The following NRXN3 variants were observed in gnomAD, a reference collection of about 807,000 sequenced individuals.
The protein encoded by NRXN3 is neurexin III.
A neutral mutation model predicts 137.6 loss-of-function variants in NRXN3; 32 were observed. The ratio of observed to expected loss-of-function variants is 0.23; its 90% confidence interval spans 0.18 to 0.31. The LOEUF (loss-of-function observed/expected upper bound fraction) is 0.31. Ranked by LOEUF, NRXN3 falls within the 10% of genes least tolerant of loss-of-function variation. The pLI is 1.00. For missense variants in NRXN3, 1,574 were observed against 2,062.5 expected, an observed-to-expected ratio of 0.76 and a Z score of 4.59; for synonymous variants, 798 against 784.5, an observed-to-expected ratio of 1.02 and a Z score of -0.29.
chr14:79,130,645 C>A (rs2057326047), intron 15 of NRXN3, among the ~76,000 whole-genome samples: 1 of 152,054 alleles, frequency 6.6e-6, no homozygotes, highest in Non-Finnish European at 1.5e-5. Context: ...GTGAATCTGA[C>A]AATTATGTGT....
At chr14:79,233,054 T>G (rs1439706139) in intron 15 of NRXN3, among the ~76,000 whole-genome samples, 1 of 152,172 alleles carries the variant, frequency 6.6e-6, no homozygotes, top group African/African-American at 2.4e-5. Context: ...TCAAAGTACC[T>G]TCCCAAAATG....
chr14:78,536,098 T>A (rs2096532925), intron 4 of NRXN3, among the ~76,000 whole-genome samples: 1 of 152,312 alleles, frequency 6.6e-6, no homozygotes, highest in African/African-American at 2.4e-5. Flanking sequence ...TATTCCCTTA[T>A]TCTCACCAAG....
intron 19 of NRXN3, among the ~76,000 whole-genome samples, chr14:79,787,559 C>A (rs1220801522): frequency 6.6e-6 from 1 of 152,100 alleles, no homozygotes; most frequent in East Asian, 1.9e-4. Context: ...TTGACCTTTC[C>A]TTTCTCAGCC....
intron 20 of NRXN3, among the ~76,000 whole-genome samples, chr14:79,816,780 C>G (rs2099252771): frequency 6.6e-6 from 1 of 152,128 alleles, no homozygotes; most frequent in Non-Finnish European, 1.5e-5. Context: ...TGTCAATGTC[C>G]TTTGCTTCCA....
intron 19 of NRXN3, among the ~76,000 whole-genome samples, chr14:79,750,652 C>T (rs2098994368): frequency 6.6e-6 from 1 of 152,106 alleles, no homozygotes; most frequent in South Asian, 2.1e-4. Context: ...GCCTCCCCAC[C>T]CAATCAGGGC....
chr14:79,254,788 C>T (rs2153384020), intron 15 of NRXN3, among the ~76,000 whole-genome samples: 1 of 152,004 alleles, frequency 6.6e-6, no homozygotes, highest in East Asian at 1.9e-4. Context: ...GCAATTTCTT[C>T]CCTCCCTGCC....
Position 78,390,477 on chromosome 14 carries a change from C to G in NRXN3, c.757+92617C>G, listed in dbSNP as rs924172751. Among the ~76,000 whole-genome samples the G allele has an allele frequency of 2.6e-5, 4 of 152,178 alleles. No individual in the cohort carries two copies. In the South Asian group the frequency reaches 8.3e-4, roughly 32 times the overall value. Reference sequence around the variant, plus strand: ...GGTTTAGACCTTACTTCTTGGCACACCCCACTCATTCCAAGTGGGATTTTA... The same window carrying G: ...GGTTTAGACCTTACTTCTTGGCACAGCCCACTCATTCCAAGTGGGATTTTA... On this transcript the variant is annotated intron_variant, in intron 4 of 20. Transcript: ENST00000335750.
rs894641871 is a variant in NRXN3 at position 79,265,477 on chromosome 14, A to C, written c.3263-201744A>C. ...AGCTAAAGAAGAGAAATGTTCAAGA[A>C]GAAGATTTACATATTGCTGGATGTT... On this transcript the variant is annotated intron_variant, in intron 15 of 20. Coordinates refer to ENST00000335750, the MANE Select transcript of NRXN3 (RefSeq NM_001330195.2). 3.9e-5 allele frequency among the ~76,000 whole-genome samples: 6 copies of C among 152,012 alleles called. No individual in the cohort carries two copies. The South Asian group carries it at 8.3e-4, about 21-fold the overall frequency.
At chr14:78,311,065 G>C (rs2077924419) in intron 4 of NRXN3, among the ~76,000 whole-genome samples, 1 of 152,110 alleles carries the variant, frequency 6.6e-6, no homozygotes, top group Non-Finnish European at 1.5e-5. Flanking sequence ...GTTTTTACCT[G>C]TAAAATGCCT....
At chr14:78,606,710 T>A (rs1219843009) in intron 4 of NRXN3, among the ~76,000 whole-genome samples, 3 of 152,218 alleles carry the variant, frequency 2.0e-5, no homozygotes, top group Non-Finnish European at 2.9e-5. Context: ...GCCAGGGCTT[T>A]CTTTCCCAGG....
At position 79,523,414 on chromosome 14, in the gene NRXN3, G is replaced by A. The variant is rs112469626; in HGVS notation, c.3444+56012G>A. Among the ~76,000 whole-genome samples the A allele has an allele frequency of 9.3e-3, 1,416 of 152,256 alleles. 21 individuals are homozygous for A. Among genetic ancestry groups the A allele is most frequent in the African/African-American group, 0.033 (1,365 of 41,568 alleles). ...ATGAGGCAAGCTTTGTTTTGAAGAT[G>A]TTAATTGATTCTGTCCACCATGCTG... is the stretch of plus-strand genomic sequence containing the variant. On this transcript the variant is annotated intron_variant, in intron 16 of 20. Coordinates refer to ENST00000335750, the MANE Select transcript of NRXN3 (RefSeq NM_001330195.2).
intron 15 of NRXN3, among the ~76,000 whole-genome samples, chr14:79,202,865 A>G (rs111816989): frequency 7.2e-4 from 110 of 152,278 alleles, no homozygotes; most frequent in Middle Eastern, 3.4e-3. Context: ...TCTTTTTCAT[A>G]TAATGACTTC....
rs552618561 is a variant in NRXN3, at chr14:79,834,336, G to A, written c.4094-27006G>A. Among the ~76,000 whole-genome samples, 11 of 152,046 alleles carry A rather than the reference G, an allele frequency of 7.2e-5. No individual in the cohort carries two copies. The South Asian group carries it at 1.9e-3, about 26-fold the overall frequency. On this transcript the variant is annotated intron_variant, in intron 20 of 20. Coordinates refer to ENST00000335750, the MANE Select transcript of NRXN3 (RefSeq NM_001330195.2). The stretch of plus-strand genomic sequence containing the variant: ...TGTTTCTGCCACCTTCCCTTCTTCC[G>A]ATAACAGATTTTCAAGTACTGCTCT...
At chr14:79,348,418 C>T (rs1181582141) in intron 15 of NRXN3, among the ~76,000 whole-genome samples, 1 of 150,470 alleles carries the variant, frequency 6.6e-6, no homozygotes, top group East Asian at 1.9e-4. Flanking sequence ...CTCTGTCGCC[C>T]AGGCTGGAGT....
intron 15 of NRXN3, among the ~76,000 whole-genome samples, chr14:79,034,739 G>A (rs2099613429): frequency 6.6e-6 from 1 of 151,960 alleles, no homozygotes; most frequent in African/African-American, 2.4e-5. Flanking sequence ...ATAACTGAGA[G>A]TTTAAAACAA....
intron 15 of NRXN3, among the ~76,000 whole-genome samples, chr14:79,186,343 C>T (rs1482911497): frequency 6.6e-6 from 1 of 152,034 alleles, no homozygotes; most frequent in African/African-American, 2.4e-5. Flanking sequence ...GACTTTTAGA[C>T]CTTTTCATAT....
Position 79,279,436 on chromosome 14 carries a change from C to T in NRXN3, c.3263-187785C>T, listed in dbSNP as rs1237240544. 3 of 986,074 alleles carry T rather than the reference C, an allele frequency of 3.0e-6. No homozygotes were observed. The East Asian group carries it at 3.4e-4, about 112-fold the overall frequency. The allele number at this position is 986,074 out of a possible 1,614,324, so 61.1% of individuals were successfully genotyped here. ...GCACTTCGCAGGCGCCCGCCCGCCTCTCGGCCACCTCTGCAGCCTGCCAGG... is the reference window on the plus strand; with the variant it reads ...GCACTTCGCAGGCGCCCGCCCGCCTTTCGGCCACCTCTGCAGCCTGCCAGG... On this transcript the variant is annotated intron_variant, in intron 15 of 20. Transcript: ENST00000335750.
At chr14:78,478,363 G>A (rs912606653) in intron 4 of NRXN3, among the ~76,000 whole-genome samples, 2 of 152,156 alleles carry the variant, frequency 1.3e-5, no homozygotes, top group African/African-American at 4.8e-5. Flanking sequence ...ATGCTTCATG[G>A]AGGAGAAGAA....
chr14:78,238,409 G>A (rs1180292652), intron 1 of NRXN3, among the ~76,000 whole-genome samples: 1 of 152,206 alleles, frequency 6.6e-6, no homozygotes, highest in East Asian at 1.9e-4. Context: ...GTTCAGTAGA[G>A]GGTGGCAGTT....
Sources: gnomAD v4.1 joint callset for allele counts (sites outside exome capture counted in the v4.1 genomes callset) on GRCh38, gnomAD v4.1.1 for gene constraint, MANE v1.5 for transcripts, NCBI Gene and HGNC (gene_info 2026-07-23, HGNC 2026-07-21) for gene names.